The following CDC40 variants were observed in gnomAD, a reference collection of about 807,000 sequenced individuals.
CDC40 encodes the protein cell division cycle 40.
A neutral mutation model predicts 80.6 loss-of-function variants in CDC40; 27 were observed. The ratio of observed to expected loss-of-function variants is 0.33; its 90% CI spans 0.25 to 0.46. The LOEUF (loss-of-function observed/expected upper bound fraction) is 0.46. Ranked by LOEUF, CDC40 falls within the 20% of genes least tolerant of loss-of-function variation. CDC40 has a pLI of 1.00. For missense variants in CDC40, 486 were observed against 694.1 expected (o/e 0.70, Z 3.37); for synonymous variants, 221 against 232.6 (o/e 0.95, Z 0.45).
intron 12 of CDC40, among the ~76,000 whole-genome samples, chr6:110,222,718 G>GT (rs1234602722): frequency 6.6e-6 from 1 of 152,160 alleles, no homozygotes; most frequent in African/African-American, 2.4e-5. Flanking sequence ...TCAAGTACTT[G>GT]TTTATTTGTT....
intron 1 of CDC40, among the ~76,000 whole-genome samples, chr6:110,184,694 A>G (rs1384606636): frequency 2.0e-5 from 3 of 152,200 alleles, no homozygotes; most frequent in South Asian, 2.1e-4. Context: ...AGGATGTACC[A>G]GGCAAATTTT....
intron 1 of CDC40, among the ~76,000 whole-genome samples, chr6:110,184,040 C>G (rs1220134510): frequency 6.6e-6 from 1 of 152,078 alleles, no homozygotes; most frequent in African/African-American, 2.4e-5. Flanking sequence ...CTTTATGTAT[C>G]GGGTTCCTGT....
chr6:110,191,927 C>T (rs895270685), intron 1 of CDC40, among the ~76,000 whole-genome samples: 1 of 152,070 alleles, frequency 6.6e-6, no homozygotes, highest in Admixed American at 6.6e-5. Context: ...AACATGAGTG[C>T]ACTATTTAAA....
chr6:110,217,665 T>C (rs1381061806), intron 9 of CDC40, 37 bp from the exon 10 acceptor site: 5 of 895,816 alleles, frequency 5.6e-6, no homozygotes, highest in Non-Finnish European at 7.6e-6. Context: ...TATATGATAC[T>C]TCACCTCATT....
chr6:110,191,640 A>G (rs991511478), intron 1 of CDC40, among the ~76,000 whole-genome samples: 13 of 152,212 alleles, frequency 8.5e-5, no homozygotes, highest in African/African-American at 2.9e-4. Context: ...TTTCATTCCA[A>G]AAGGAAATAA....
At chr6:110,219,152 T>C (rs1777735741) in intron 10 of CDC40, among the ~76,000 whole-genome samples, 1 of 152,200 alleles carries the variant, frequency 6.6e-6, no homozygotes. Context: ...AATTTATTTA[T>C]TCTACAATTG....
intron 1 of CDC40, among the ~76,000 whole-genome samples, chr6:110,180,986 C>T (rs1777178947): frequency 6.6e-6 from 1 of 152,142 alleles, no homozygotes; most frequent in Non-Finnish European, 1.5e-5. Context: ...TGAGCAGTGG[C>T]CTCGATTTGT....
At chr6:110,189,275 C>A (rs1777315192) in intron 1 of CDC40, among the ~76,000 whole-genome samples, 1 of 152,126 alleles carries the variant, frequency 6.6e-6, no homozygotes, top group South Asian at 2.1e-4. Context: ...TTCTAGAGAG[C>A]TGTAAACTTA....
chr6:110,183,448 G>A (rs746476071), intron 1 of CDC40, among the ~76,000 whole-genome samples: 5 of 152,176 alleles, frequency 3.3e-5, no homozygotes, highest in East Asian at 1.9e-4. Context: ...GTGCAATCAC[G>A]AATAAATAAG....
At position 110,210,018 on chromosome 6, in the gene CDC40, T is replaced by C. The variant is rs114387008; in HGVS notation, c.631-689T>C. Among the ~76,000 whole-genome samples, 586 of 152,274 alleles carry C rather than the reference T, an allele frequency of 3.8e-3. 4 individuals carry two copies. The highest frequency in any genetic ancestry group is 0.013 in the African/African-American group (546 of 41,550). On this transcript the variant is annotated intron_variant, in intron 5 of 14. Transcript: ENST00000307731. ...GCTATCACTTATATCCTTAGGAGTA[T>C]GTAAAAACAATTAACTGAAAAACAA... is the stretch of plus-strand genomic sequence containing the variant.
intron 1 of CDC40, among the ~76,000 whole-genome samples, chr6:110,190,534 T>C (rs2114649806): frequency 6.6e-6 from 1 of 152,196 alleles, no homozygotes; most frequent in East Asian, 1.9e-4. Flanking sequence ...GATGGAGTCA[T>C]GGGGGAATGG....
At chr6:110,222,957 A>C (rs1453190600) in intron 12 of CDC40, among the ~76,000 whole-genome samples, 2 of 152,222 alleles carry the variant, frequency 1.3e-5, no homozygotes, top group Non-Finnish European at 2.9e-5. Context: ...ATCTTATAAG[A>C]TAGGTACATT....
chr6:110,215,353 A>T (rs1325551841), intron 9 of CDC40, 22 bp downstream of exon 9: 1 of 1,598,584 alleles, frequency 6.3e-7, no homozygotes, highest in Non-Finnish European at 8.6e-7. Context: ...TTTCTCTCCA[A>T]CATAAATCTG....
intron 5 of CDC40, among the ~76,000 whole-genome samples, chr6:110,209,469 A>T (rs1449865349): frequency 6.6e-6 from 1 of 152,118 alleles, no homozygotes; most frequent in Non-Finnish European, 1.5e-5. Context: ...AACAATTTTC[A>T]TAAAGATTTC....
intron 7 of CDC40, 112 bp from the exon 8 acceptor site, chr6:110,212,974 A>G (rs1337711823): frequency 1.3e-6 from 1 of 775,980 alleles, no homozygotes; most frequent in African/African-American, 1.7e-5. Context: ...GATTTTTGGA[A>G]TGAAGAAAAA....
At chr6:110,185,307 A>ATCTCGGC (rs1465968190) in intron 1 of CDC40, among the ~76,000 whole-genome samples, 2 of 125,814 alleles carry the variant, frequency 1.6e-5, no homozygotes, top group Admixed American at 1.0e-4. Flanking sequence ...CAGTGGCGGG[A>ATCTCGGC]TCTCGGCTCA....
chr6:110,219,192 T>G (rs1777736272), intron 10 of CDC40, among the ~76,000 whole-genome samples, 172 bp from the exon 11 acceptor site: 1 of 152,196 alleles, frequency 6.6e-6, no homozygotes. Context: ...GAAAAAATTA[T>G]TTTTAATCAT....
At chr6:110,212,558 T>C (rs1409217978) in intron 7 of CDC40, among the ~76,000 whole-genome samples, 2 of 152,200 alleles carry the variant, frequency 1.3e-5, no homozygotes, top group African/African-American at 4.8e-5. Context: ...TCTTCTTCCT[T>C]TTGGGCACCA....
At chr6:110,222,447 C>G (rs1777790122) in intron 12 of CDC40, among the ~76,000 whole-genome samples, 2 of 152,190 alleles carry the variant, frequency 1.3e-5, no homozygotes, top group South Asian at 4.1e-4. Context: ...ATCCCAGCTA[C>G]TTGGGAGGCT....
Sources: gnomAD v4.1 joint callset for allele counts (sites outside exome capture counted in the v4.1 genomes callset) on GRCh38, gnomAD v4.1.1 for gene constraint, MANE v1.5 for transcripts, NCBI Gene and HGNC (gene_info 2026-07-23, HGNC 2026-07-21) for gene names.